PDE8B: variants seen among roughly 807,000 people sequenced by gnomAD.
The protein encoded by PDE8B is phosphodiesterase 8B.
A neutral mutation model predicts 101.3 loss-of-function variants in PDE8B; 26 were observed. That is an observed-to-expected ratio of 0.26 (90% CI 0.19 to 0.36). PDE8B has a LOEUF of 0.36. Ranked by LOEUF, PDE8B falls within the 10% of genes least tolerant of loss-of-function variation. The pLI is 1.00. For synonymous variants in PDE8B, 424 were observed against 429.3 expected (o/e 0.99, Z 0.15); for missense variants, 810 against 1,163.1 (o/e 0.70, Z 4.42).
intron 1 of PDE8B, among the ~76,000 whole-genome samples, chr5:77,268,451 A>C (rs1402947706): frequency 6.6e-6 from 1 of 151,972 alleles, no homozygotes; most frequent in Non-Finnish European, 1.5e-5. Context: ...GAGCTTATTC[A>C]TTTTATTTTA....
intron 2 of PDE8B, among the ~76,000 whole-genome samples, chr5:77,319,954 AAT>A (rs1774663673): frequency 1.3e-5 from 2 of 149,640 alleles, no homozygotes; most frequent in Non-Finnish European, 2.9e-5. Context: ...CTTAATTTTC[AAT>A]GTTTCTAATA....
At chr5:77,263,603 A>C (rs1761072294) in intron 1 of PDE8B, among the ~76,000 whole-genome samples, 1 of 152,128 alleles carries the variant, frequency 6.6e-6, no homozygotes, top group Admixed American at 6.5e-5. Context: ...TAATTATCTC[A>C]TGTGATTTGG....
At chr5:77,152,779 AC>A in the PDE8B span, among the ~76,000 whole-genome samples, 1 of 149,628 alleles carries the variant, frequency 6.7e-6, no homozygotes, top group African/African-American at 2.5e-5. Flanking sequence ...CCTCACCCTC[AC>A]CTCCGCAGCC....
intron 10 of PDE8B, among the ~76,000 whole-genome samples, chr5:77,394,021 T>G (rs1165687015): frequency 2.0e-5 from 3 of 152,236 alleles, no homozygotes; most frequent in African/African-American, 7.2e-5. Flanking sequence ...GTGTTTCCAA[T>G]TGTGTCCTGT....
At chr5:77,232,999 C>G (rs566203887) in intron 1 of PDE8B, among the ~76,000 whole-genome samples, 3 of 152,266 alleles carry the variant, frequency 2.0e-5, no homozygotes, top group African/African-American at 7.2e-5. Flanking sequence ...TTGGTAAGGG[C>G]TTGGCAGTGT....
intron 10 of PDE8B, among the ~76,000 whole-genome samples, chr5:77,361,975 C>A (rs1783187054): frequency 6.6e-6 from 1 of 152,128 alleles, no homozygotes; most frequent in South Asian, 2.1e-4. Context: ...ACTCTACAAC[C>A]AAGAGTGCCT....
chr5:77,166,022 C>G, the PDE8B span, among the ~76,000 whole-genome samples: 1 of 149,156 alleles, frequency 6.7e-6, no homozygotes, highest in African/African-American at 2.5e-5. Context: ...AAGATAAGAG[C>G]TTGGATTATA....
chr5:77,377,615 A>C (rs969954569), intron 10 of PDE8B, among the ~76,000 whole-genome samples: 3 of 152,222 alleles, frequency 2.0e-5, no homozygotes, highest in Non-Finnish European at 2.9e-5. Context: ...TATGCATCAG[A>C]TCCTTTAAAA....
chr5:77,344,780 CT>C, intron 6 of PDE8B, 72 bp from the exon 7 acceptor site: 1 of 989,104 alleles, frequency 1.0e-6, no homozygotes, highest in South Asian at 1.3e-5. Context: ...TATCTGTTTA[CT>C]TTGTTAAATT....
intron 1 of PDE8B, among the ~76,000 whole-genome samples, chr5:77,251,229 T>C (rs1757995331): frequency 6.6e-6 from 1 of 152,260 alleles, no homozygotes; most frequent in Non-Finnish European, 1.5e-5. Flanking sequence ...GTGGCAATTC[T>C]GAGGATGATC....
At chr5:77,120,062 CTG>C in the PDE8B span, among the ~76,000 whole-genome samples, 3 of 152,028 alleles carry the variant, frequency 2.0e-5, no homozygotes, top group Non-Finnish European at 4.4e-5. Context: ...GATAAAAAAA[CTG>C]TGGTATGTTC....
At chr5:77,094,889 ATT>A in the PDE8B span, among the ~76,000 whole-genome samples, 1 of 152,132 alleles carries the variant, frequency 6.6e-6, no homozygotes, top group African/African-American at 2.4e-5. Context: ...GCTTTAATCT[ATT>A]TTTGAGGGAT....
upstream of PDE8B, among the ~76,000 whole-genome samples, chr5:77,208,906 C>T (rs1490662583): frequency 6.6e-6 from 1 of 152,216 alleles, no homozygotes; most frequent in Non-Finnish European, 1.5e-5. Context: ...CATCATCCCA[C>T]CTTCAGAATC....
intron 11 of PDE8B, among the ~76,000 whole-genome samples, chr5:77,403,145 AT>A: frequency 6.6e-6 from 1 of 152,038 alleles, no homozygotes; most frequent in Non-Finnish European, 1.5e-5. Context: ...CTGCCTTGTC[AT>A]TTTTTATATC....
intron 10 of PDE8B, among the ~76,000 whole-genome samples, chr5:77,372,870 A>C (rs968902157): frequency 1.1e-4 from 17 of 152,252 alleles, no homozygotes; most frequent in African/African-American, 3.4e-4. Flanking sequence ...TCTGCTAAAA[A>C]TACAAAAATT....
the PDE8B span, among the ~76,000 whole-genome samples, chr5:77,107,897 C>A: frequency 1.3e-5 from 2 of 152,102 alleles, no homozygotes; most frequent in Non-Finnish European, 2.9e-5. Flanking sequence ...TAAGAGAATT[C>A]CCAGTTATAC....
intron 1 of PDE8B, among the ~76,000 whole-genome samples, chr5:77,238,307 CAT>C (rs1182092458): frequency 6.6e-6 from 1 of 152,090 alleles, no homozygotes; most frequent in Non-Finnish European, 1.5e-5. Context: ...TGTATTGAAT[CAT>C]GTGCAAAGTT....
the PDE8B span, among the ~76,000 whole-genome samples, chr5:77,173,206 G>A: frequency 1.3e-5 from 2 of 152,214 alleles, no homozygotes; most frequent in Non-Finnish European, 2.9e-5. Context: ...TGGAGATCTT[G>A]TAGACAAATC....
intron 1 of PDE8B, among the ~76,000 whole-genome samples, chr5:77,273,007 A>G (rs1194852161): frequency 1.3e-5 from 2 of 152,224 alleles, no homozygotes; most frequent in Non-Finnish European, 2.9e-5. Flanking sequence ...GACGGAGGAG[A>G]AAGAAGACAA....
Sources: gnomAD v4.1 joint callset for allele counts (sites outside exome capture counted in the v4.1 genomes callset) on GRCh38, gnomAD v4.1.1 for gene constraint, MANE v1.5 for transcripts, NCBI Gene and HGNC (gene_info 2026-07-23, HGNC 2026-07-21) for gene names.